The following CNTN3 variants were observed in gnomAD, a reference collection of about 807,000 sequenced individuals.
CNTN3 encodes the protein contactin-3.
A neutral mutation model predicts 119.1 loss-of-function variants in CNTN3; 60 were observed. The ratio of observed to expected loss-of-function variants is 0.50; its 90% confidence interval spans 0.41 to 0.62. CNTN3 has a LOEUF of 0.62. Ranked by LOEUF, CNTN3 falls within the 20% of genes least tolerant of loss-of-function variation. The probability of loss-of-function intolerance (pLI) is 0.00; values close to 1 mark genes in which losing one functional copy is unlikely to be tolerated. For missense variants in CNTN3, 1,101 were observed against 1,242.4 expected (o/e 0.89, Z 1.71); for synonymous variants, 450 against 438.7 (o/e 1.03, Z -0.32).
At chr3:74,608,979 A>T (rs2106715704) in intron 1 of CNTN3, among the ~76,000 whole-genome samples, 1 of 152,308 alleles carries the variant, frequency 6.6e-6, no homozygotes, top group Non-Finnish European at 1.5e-5. Context: ...TATCACCTTG[A>T]CAAATGGTAA....
chr3:74,473,182 GA>G (rs899761495), intron 4 of CNTN3, among the ~76,000 whole-genome samples: 53 of 138,618 alleles, frequency 3.8e-4, no homozygotes, highest in African/African-American at 5.0e-4. Flanking sequence ...ACAGAAAAGC[GA>G]AAAAAAAAAA....
intron 4 of CNTN3, among the ~76,000 whole-genome samples, chr3:74,435,675 T>C (rs1474400472): frequency 2.6e-5 from 4 of 152,348 alleles, no homozygotes; most frequent in South Asian, 2.1e-4. Context: ...TTCTTGAATT[T>C]AACACATTTA....
At chr3:74,528,507 C>T (rs368021500) in intron 1 of CNTN3, among the ~76,000 whole-genome samples, 3 of 151,954 alleles carry the variant, frequency 2.0e-5, no homozygotes, top group African/African-American at 7.2e-5. Context: ...CATAAATTCA[C>T]TTTTAGAATT....
At chr3:74,332,686 G>A (rs1456783556) in intron 13 of CNTN3, among the ~76,000 whole-genome samples, 1 of 152,162 alleles carries the variant, frequency 6.6e-6, no homozygotes, top group Non-Finnish European at 1.5e-5. Context: ...CATTTATTTA[G>A]CAGTAGCTAA....
At chr3:74,587,659 T>C (rs1296837319) in intron 1 of CNTN3, among the ~76,000 whole-genome samples, 3 of 152,118 alleles carry the variant, frequency 2.0e-5, no homozygotes, top group Admixed American at 6.6e-5. Context: ...CCGAAAACCA[T>C]CGTAAAACTC....
intron 11 of CNTN3, among the ~76,000 whole-genome samples, chr3:74,338,493 T>A (rs1443951857): frequency 1.9e-5 from 1 of 53,852 alleles, no homozygotes; most frequent in Non-Finnish European, 3.1e-5. Context: ...TGTACACACG[T>A]GCGTGTGTGT....
At chr3:74,282,743 C>T (rs1169535463) in intron 20 of CNTN3, among the ~76,000 whole-genome samples, 1 of 152,118 alleles carries the variant, frequency 6.6e-6, no homozygotes, top group Non-Finnish European at 1.5e-5. Flanking sequence ...CTATTTAGAG[C>T]TACCAGTAAC....
At chr3:74,375,732 A>C (rs554994847) in intron 5 of CNTN3, among the ~76,000 whole-genome samples, 1 of 152,308 alleles carries the variant, frequency 6.6e-6, no homozygotes, top group South Asian at 2.1e-4. Flanking sequence ...GGAAGCCAGA[A>C]AGGCAGAAAA....
At chr3:74,358,596 G>GATTT (rs71625970) in intron 11 of CNTN3, among the ~76,000 whole-genome samples, 33,123 of 137,110 alleles carry the variant, frequency 0.24, 6,528 homozygotes, top group African/African-American at 0.57. Context: ...TTTTTTTTTT[G>GATTT]ATTTATTTAT....
chr3:74,585,864 C>T (rs1463212496), intron 1 of CNTN3, among the ~76,000 whole-genome samples: 2 of 152,076 alleles, frequency 1.3e-5, no homozygotes, highest in South Asian at 2.1e-4. Context: ...TGACAGTTTT[C>T]TTACTGTCAA....
intron 1 of CNTN3, among the ~76,000 whole-genome samples, chr3:74,576,694 T>C (rs1174133407): frequency 1.3e-5 from 2 of 152,126 alleles, no homozygotes; most frequent in Admixed American, 6.5e-5. Context: ...TTTAAATTTA[T>C]GGTAGGTAAA....
At chr3:74,599,793 T>C (rs769541003) in intron 1 of CNTN3, among the ~76,000 whole-genome samples, 13 of 152,056 alleles carry the variant, frequency 8.5e-5, no homozygotes, top group African/African-American at 1.4e-4. Flanking sequence ...GCAGAGAAGA[T>C]GCACCCTCTC....
At chr3:74,593,850 A>C (rs568009290) in intron 1 of CNTN3, among the ~76,000 whole-genome samples, 18 of 152,078 alleles carry the variant, frequency 1.2e-4, no homozygotes, top group African/African-American at 3.6e-4. Context: ...AATAGAAAAG[A>C]AATATTAAAT....
At chr3:74,334,591 A>T (rs1317551891) in intron 13 of CNTN3, 144 bp downstream of exon 13, 5 of 617,612 alleles carry the variant, frequency 8.1e-6, no homozygotes, top group Non-Finnish European at 1.3e-5. Flanking sequence ...AAATTAGATC[A>T]AAACAGAACT....
chr3:74,569,580 A>C (rs941706399), intron 1 of CNTN3, among the ~76,000 whole-genome samples: 1 of 152,176 alleles, frequency 6.6e-6, no homozygotes, highest in Non-Finnish European at 1.5e-5. Context: ...TAATAAAGAA[A>C]AGTATCTTAA....
chr3:74,271,571 CAT>C (rs1011984904), intron 20 of CNTN3, among the ~76,000 whole-genome samples: 3 of 152,152 alleles, frequency 2.0e-5, no homozygotes, highest in African/African-American at 7.2e-5. Flanking sequence ...ATTTTAAGAA[CAT>C]ATGTTTGCTG....
intron 1 of CNTN3, among the ~76,000 whole-genome samples, chr3:74,563,616 C>T (rs541686985): frequency 6.6e-6 from 1 of 152,164 alleles, no homozygotes; most frequent in African/African-American, 2.4e-5. Flanking sequence ...TCCTAGGCTC[C>T]CTTGCAGCTA....
chr3:74,497,912 T>C (rs1703093934), intron 3 of CNTN3, among the ~76,000 whole-genome samples: 1 of 151,864 alleles, frequency 6.6e-6, no homozygotes, highest in South Asian at 2.1e-4. Context: ...CACCTGTTAT[T>C]TAAAGACATA....
intron 2 of CNTN3, among the ~76,000 whole-genome samples, chr3:74,507,169 A>G (rs1052572398): frequency 1.3e-5 from 2 of 152,214 alleles, no homozygotes; most frequent in African/African-American, 4.8e-5. Context: ...CTATAATCAC[A>G]GCACTTTGGG....
Sources: gnomAD v4.1 joint callset for allele counts (sites outside exome capture counted in the v4.1 genomes callset) on GRCh38, gnomAD v4.1.1 for gene constraint, MANE v1.5 for transcripts, NCBI Gene and HGNC (gene_info 2026-07-23, HGNC 2026-07-21) for gene names.